The following EMC7 variants were observed in gnomAD, a reference collection of about 807,000 sequenced individuals.
EMC7 encodes endoplasmic reticulum membrane protein complex subunit 7.
A neutral mutation model predicts 24.4 loss-of-function variants in EMC7; 4 were observed. The observed-to-expected ratio is 0.16, with a 90% CI of 0.08 to 0.38. The LOEUF (loss-of-function observed/expected upper bound fraction) is 0.38. Ranked by LOEUF, EMC7 falls within the 10% of genes least tolerant of loss-of-function variation. EMC7 has a pLI of 1.00. For synonymous variants in EMC7, 106 were observed against 112.0 expected (o/e 0.95, Z 0.34); for missense variants, 221 against 300.6 (o/e 0.74, Z 1.96).
chr15:34,090,434 G>C lies in EMC7; in HGVS notation c.378C>G (p.Ile126Met). The C allele has an allele frequency of 6.2e-7, 1 of 1,613,284 alleles. No homozygotes were observed. Among genetic ancestry groups the C allele is most frequent in the Non-Finnish European group, 8.5e-7 (1 of 1,179,760 alleles). The change falls in exon 3 of 5, where the codon ATC (isoleucine) becomes ATG (methionine). Residue 126 changes from isoleucine to methionine, a missense_variant. By Grantham distance (10) the Ile-to-Met change is conservative (BLOSUM62 1). Coordinates refer to ENST00000256545, the MANE Select transcript of EMC7 (RefSeq NM_020154.3). ...GKMRARYVNY[I>M]KTSEVVRLPY... ...GCAGTCTGACAACCTCTGATGTTTT[G>C]ATGTAATTCACATATCTTGCTCTGA...
intron 2 of EMC7, among the ~76,000 whole-genome samples, chr15:34,095,679 G>A (rs919912700): frequency 4.0e-5 from 6 of 151,872 alleles, no homozygotes; most frequent in Non-Finnish European, 8.8e-5. Flanking sequence ...ATCATATTAG[G>A]AGCTTTAAAA....
At position 34,093,832 on chromosome 15, in the gene EMC7, T is replaced by A. The variant is rs1220037635; in HGVS notation, c.356+2063A>T. The stretch of plus-strand genomic sequence containing the variant: ...ATATATATATATATATATTTTTTTT[T>A]TTTTTTTTTTTGAGACAGGATCTTG... On this transcript the variant is annotated intron_variant, in intron 2 of 4. Coordinates refer to ENST00000256545, the MANE Select transcript of EMC7 (RefSeq NM_020154.3). 2.3e-3 allele frequency among the ~76,000 whole-genome samples: 273 copies of A among 118,120 alleles called. 3 individuals carry two copies. The highest frequency in any genetic ancestry group is 5.5e-3 in the Admixed American group (62 of 11,344). 77.5% of individuals were successfully genotyped at this position (118,120 alleles called of 152,430 possible).
intron 4 of EMC7, chr15:34,086,099 A>G: frequency 2.9e-6 from 1 of 343,856 alleles, no homozygotes; most frequent in Non-Finnish European, 5.5e-6. Context: ...TCCAGAAGCC[A>G]CTGGGTAGTA....
At chr15:34,099,341 C>T (rs1228509498) in intron 1 of EMC7, among the ~76,000 whole-genome samples, 1 of 151,874 alleles carries the variant, frequency 6.6e-6, no homozygotes, top group African/African-American at 2.4e-5. Flanking sequence ...CAAACAAAAA[C>T]ACATGAAAAC....
intron 2 of EMC7, among the ~76,000 whole-genome samples, chr15:34,091,281 G>GTCTATA (rs1269788446): frequency 6.6e-6 from 1 of 151,976 alleles, no homozygotes; most frequent in East Asian, 1.9e-4. Context: ...TTATTTTACA[G>GTCTATA]TCTATATCTA....
In EMC7 at chr15:34,095,177, T is replaced by C. The variant is rs552066013; in HGVS notation, c.356+718A>G. Among the ~76,000 whole-genome samples, 11 of 152,380 alleles carry C rather than the reference T, an allele frequency of 7.2e-5. No homozygotes were observed. The East Asian group carries it at 2.1e-3, about 29-fold the overall frequency. The stretch of plus-strand genomic sequence containing the variant: ...ATTACTGCAACATAGTCATATTTGA[T>C]AGCTTAAAGAAGAGACATTACCACT... On this transcript the variant is annotated intron_variant, in intron 2 of 4. Transcript: ENST00000256545.
intron 2 of EMC7, among the ~76,000 whole-genome samples, chr15:34,091,570 G>GT (rs968476680): frequency 1.1e-4 from 16 of 152,078 alleles, no homozygotes; most frequent in African/African-American, 3.1e-4. Context: ...GTGTAGGAGC[G>GT]TAACTATCAG....
chr15:34,095,799 A>T, intron 2 of EMC7, 96 bp downstream of exon 2: 1 of 1,201,832 alleles, frequency 8.3e-7, no homozygotes, highest in East Asian at 2.6e-5. Context: ...TTTAAATAAA[A>T]AGAATTTTCC....
chr15:34,087,914 G>T, intron 4 of EMC7, 139 bp downstream of exon 4: 1 of 697,802 alleles, frequency 1.4e-6, no homozygotes, highest in Non-Finnish European at 2.4e-6. Flanking sequence ...CCAGTGCTTT[G>T]GGAGGCTGAG....
In EMC7 at chr15:34,096,451, A is replaced by T. The variant is rs576804512; in HGVS notation, c.237-437T>A. Among the ~76,000 whole-genome samples the T allele has an allele frequency of 9.9e-5, 15 of 152,166 alleles. 1 individual carries two copies. The South Asian group carries it at 3.1e-3, about 32-fold the overall frequency. ...CTCCCAAAGTGCTGGGATTACAGGC[A>T]TGAGCCACTGTGCCGGCCTTCAGTG... On this transcript the variant is annotated intron_variant, in intron 1 of 4. Transcript: ENST00000256545.
intron 4 of EMC7, 40 bp downstream of exon 4, chr15:34,088,013 C>T (rs1195002560): frequency 6.5e-7 from 1 of 1,535,684 alleles, no homozygotes; most frequent in Non-Finnish European, 8.8e-7. Context: ...GGCTCTATCT[C>T]TTAAAAAAAA....
rs753095506 is a variant in EMC7, at chr15:34,093,823, AT to A, written c.356+2071del. On this transcript the variant is annotated intron_variant, in intron 2 of 4. Coordinates refer to ENST00000256545, the MANE Select transcript of EMC7 (RefSeq NM_020154.3). ...CACACACACATATATATATATATAT[AT>A]TTTTTTTTTTTTTTTTTTTGAGACA... Among the ~76,000 whole-genome samples, 196 of 48,670 alleles carry A rather than the reference AT, an allele frequency of 4.0e-3. 1 individual carries two copies. Among genetic ancestry groups the A allele is most frequent in the African/African-American group, 0.012 (106 of 9,066 alleles). 31.9% of individuals were successfully genotyped at this position (48,670 alleles called of 152,430 possible). A position where few individuals can be genotyped will look rare whatever the true frequency, so the allele number is the denominator to read the frequency against.
At chr15:34,086,177 A>G in intron 4 of EMC7, 1 of 403,990 alleles carries the variant, frequency 2.5e-6, no homozygotes, top group Non-Finnish European at 4.8e-6. Flanking sequence ...TGAATCTTCT[A>G]CGAACACTGT....
At chr15:34,098,320 G>C (rs1451981042) in intron 1 of EMC7, among the ~76,000 whole-genome samples, 2 of 152,094 alleles carry the variant, frequency 1.3e-5, no homozygotes, top group Non-Finnish European at 2.9e-5. Flanking sequence ...AAGCTCCAGG[G>C]TACTGCACAA....
At chr15:34,096,124 C>T (rs1901061422) in intron 1 of EMC7, 110 bp from the exon 2 acceptor site, 1 of 1,184,766 alleles carries the variant, frequency 8.4e-7, no homozygotes, top group Non-Finnish European at 1.1e-6. Flanking sequence ...AAGCAACGGG[C>T]AAACAAACAA....
chr15:34,092,548 A>ACCG (rs1458208728), intron 2 of EMC7, among the ~76,000 whole-genome samples: 5 of 151,968 alleles, frequency 3.3e-5, no homozygotes, highest in Non-Finnish European at 7.4e-5. Flanking sequence ...GGGGTTCATC[A>ACCG]TGTTGGTCAG....
chr15:34,096,786 G>C (rs764578600), intron 1 of EMC7, among the ~76,000 whole-genome samples: 37 of 151,768 alleles, frequency 2.4e-4, no homozygotes, highest in Non-Finnish European at 5.1e-4. Context: ...TTGGGAGTTA[G>C]AGACCAGCCT....
intron 2 of EMC7, among the ~76,000 whole-genome samples, chr15:34,091,409 G>T (rs912926703): frequency 2.3e-4 from 35 of 152,248 alleles, no homozygotes; most frequent in Non-Finnish European, 4.7e-4. Flanking sequence ...TAAGTAAAGA[G>T]ATACAAAGGG....
Position 34,101,761 on chromosome 15 carries a change from G to A in EMC7, c.79C>T (p.Pro27Ser). 6.2e-7 allele frequency: 1 copy of A among 1,613,454 alleles called. No individual in the cohort carries two copies. Among genetic ancestry groups the A allele is most frequent in the Non-Finnish European group, 8.5e-7 (1 of 1,179,950 alleles). The change falls in exon 1 of 5, where the codon CCC (proline) becomes TCC (serine). Residue 27 changes from proline (P) to serine (S), a missense_variant. By Grantham distance (74) the Pro-to-Ser change is moderately conservative (BLOSUM62 -1). Transcript: ENST00000256545. ...CCCGATCCCTCAGCAGCAGCCCCGG[G>A]CACCTCCGAGCTCTGGACATCCCCC... ...LSGDVQSSEV[P>S]GAAAEGSGGS...
Sources: allele counts gnomAD v4.1 joint callset (sites outside exome capture counted in the v4.1 genomes callset), GRCh38; gene constraint gnomAD v4.1.1; transcripts MANE v1.5; gene names NCBI Gene and HGNC (gene_info 2026-07-23, HGNC 2026-07-21).